The following RP1 variants were observed in gnomAD, a reference collection of about 807,000 sequenced individuals.
The protein encoded by RP1 is oxygen-regulated protein 1.
In RP1, 16 loss-of-function variants were observed where a neutral mutation model predicts 14.8. The observed-to-expected ratio is 1.08, with a 90% CI of 0.73 to 1.65. The LOEUF (loss-of-function observed/expected upper bound fraction) is 1.65. Among genes scored for constraint, RP1 ranks in the 40% most tolerant of loss-of-function variants. The pLI, the probability that RP1 is intolerant of heterozygous loss-of-function variation, is 0.00. For synonymous variants in RP1, 876 were observed against 883.6 expected, an observed-to-expected ratio of 0.99 and a Z score of 0.15; for missense variants, 2,631 against 2,535.0, an observed-to-expected ratio of 1.04 and a Z score of -0.81.
intron 19 of RP1, among the ~76,000 whole-genome samples, chr8:54,747,704 C>T (rs1463618935): frequency 6.6e-6 from 1 of 152,328 alleles, no homozygotes; most frequent in Middle Eastern, 3.4e-3. Flanking sequence ...AGTTCAACAC[C>T]AGCCTGGGCA....
At chr8:54,678,644 G>T in intron 9 of RP1, 3 of 835,730 alleles carry the variant, frequency 3.6e-6, no homozygotes, top group East Asian at 5.6e-5. Context: ...CTGAGTCTTT[G>T]TTGGGTAACT....
At chr8:54,579,042 T>C (rs1257865843) in intron 1 of RP1, among the ~76,000 whole-genome samples, 1 of 152,210 alleles carries the variant, frequency 6.6e-6, no homozygotes, top group African/African-American at 2.4e-5. Flanking sequence ...GTTCCAATGC[T>C]TCACTTGTAA....
At chr8:54,658,490 G>T (rs1177823882) in intron 6 of RP1, among the ~76,000 whole-genome samples, 1 of 139,472 alleles carries the variant, frequency 7.2e-6, no homozygotes, top group Non-Finnish European at 1.5e-5. Flanking sequence ...GGCGGAGCTT[G>T]CAGTGAGCCG....
chr8:54,624,604 T>C, intron 3 of RP1, 66 bp from the exon 4 acceptor site: 1 of 1,527,950 alleles, frequency 6.5e-7, no homozygotes, highest in Non-Finnish European at 9.0e-7. Context: ...TTTGGATATT[T>C]CTAACTTCTC....
chr8:54,720,567 C>T (rs1008193098), intron 16 of RP1, among the ~76,000 whole-genome samples: 1 of 152,130 alleles, frequency 6.6e-6, no homozygotes, highest in African/African-American at 2.4e-5. Context: ...ATTCGTGTGT[C>T]TGTGTACATG....
chr8:54,785,674 TCCA>T (rs1810300041), intron 24 of RP1, among the ~76,000 whole-genome samples: 1 of 152,114 alleles, frequency 6.6e-6, no homozygotes, highest in African/African-American at 2.4e-5. Flanking sequence ...TTCATCTTTC[TCCA>T]CATCTTTATT....
chr8:54,791,203 A>C (rs1167291062), intron 24 of RP1, among the ~76,000 whole-genome samples: 1 of 151,928 alleles, frequency 6.6e-6, no homozygotes, highest in Non-Finnish European at 1.5e-5. Context: ...TCATATATTC[A>C]AAATACTAAA....
intron 1 of RP1, among the ~76,000 whole-genome samples, chr8:54,566,781 A>G (rs1238597453): frequency 6.6e-6 from 1 of 152,212 alleles, no homozygotes; most frequent in African/African-American, 2.4e-5. Flanking sequence ...AAGTGAAAGA[A>G]AGGTAAAAGA....
At chr8:54,687,902 G>A (rs1321091141) in intron 12 of RP1, among the ~76,000 whole-genome samples, 1 of 152,130 alleles carries the variant, frequency 6.6e-6, no homozygotes. Flanking sequence ...CTTCCACAAT[G>A]GTTGAACTAA....
intron 25 of RP1, among the ~76,000 whole-genome samples, chr8:54,844,184 C>T (rs1811859451): frequency 6.6e-6 from 1 of 152,176 alleles, no homozygotes; most frequent in Non-Finnish European, 1.5e-5. Context: ...GATTTACCAG[C>T]TGGACAGAGT....
At chr8:54,859,951 G>T (rs1309622158) in intron 27 of RP1, among the ~76,000 whole-genome samples, 1 of 152,140 alleles carries the variant, frequency 6.6e-6, no homozygotes, top group African/African-American at 2.4e-5. Flanking sequence ...TGTGACATGG[G>T]ATGGAAACAA....
intron 23 of RP1, among the ~76,000 whole-genome samples, chr8:54,780,544 C>G (rs989321618): frequency 3.3e-5 from 5 of 152,122 alleles, no homozygotes; most frequent in African/African-American, 7.2e-5. Flanking sequence ...TGGATTCAAC[C>G]AACAGCAGAT....
At chr8:54,653,783 G>A (rs1806702730) in intron 5 of RP1, among the ~76,000 whole-genome samples, 2 of 152,086 alleles carry the variant, frequency 1.3e-5, no homozygotes, top group Admixed American at 1.3e-4. Context: ...ATACTTTTAT[G>A]CTATATAGAG....
chr8:54,850,313 A>G (rs1000255977), intron 25 of RP1, among the ~76,000 whole-genome samples: 3 of 152,202 alleles, frequency 2.0e-5, no homozygotes, highest in Admixed American at 6.5e-5. Flanking sequence ...AAACATTGAC[A>G]TCTTGAAATC....
Position 54,621,266 on chromosome 8 carries a change from CGGCGA to C in RP1, c.302_306del (p.Gly101ValfsTer32). 1 of 1,614,062 alleles carries C rather than the reference CGGCGA, an allele frequency of 6.2e-7. No individual in the cohort carries two copies. Among genetic ancestry groups the C allele is most frequent in the East Asian group, 2.2e-5 (1 of 44,856 alleles). On this transcript the variant is annotated frameshift_variant, in exon 2 of 4. Transcript: ENST00000220676. LOFTEE classifies it high-confidence loss of function. ...TCACGCGCCTGGAGGAGCTGGAGGA[CGGCGA>C]GTCCTACCTATGTTCCCACGGCAGG...
chr8:54,676,240 C>G (rs1351461240), intron 8 of RP1, among the ~76,000 whole-genome samples: 3 of 152,186 alleles, frequency 2.0e-5, no homozygotes, highest in Admixed American at 1.3e-4. Context: ...GGACAGACAA[C>G]AAGTTATGGG....
At chr8:54,699,264 A>G (rs1807955596) in intron 12 of RP1, among the ~76,000 whole-genome samples, 1 of 152,026 alleles carries the variant, frequency 6.6e-6, no homozygotes, top group African/African-American at 2.4e-5. Flanking sequence ...CATTTTATTC[A>G]CATACATATA....
Position 54,630,328 on chromosome 8 carries a change from G to A in RP1, c.6446G>A (p.Ser2149Asn), listed in dbSNP as rs749709374. Residue 2149 changes from serine (S) to asparagine (N), a missense_variant, in exon 4 of 4, where the codon AGC becomes AAC. Coordinates refer to ENST00000220676, the MANE Select transcript of RP1 (RefSeq NM_006269.2). Reference sequence around the variant, plus strand: ...ATATTAAATTTAACTGATCTTGAAAGCAGTAGAGAACAAGAAGATTTATAA... The same window carrying A: ...ATATTAAATTTAACTGATCTTGAAAACAGTAGAGAACAAGAAGATTTATAA... Reference protein sequence around the residue: ...EDILNLTDLESSREQEDL With the variant: ...EDILNLTDLENSREQEDL 8.1e-6 allele frequency: 13 copies of A among 1,613,662 alleles called. No homozygotes were observed. Among genetic ancestry groups the A allele is most frequent in the Non-Finnish European group, 1.1e-5 (13 of 1,179,758 alleles).
chr8:54,845,949 G>A (rs1417486244), intron 25 of RP1, among the ~76,000 whole-genome samples: 1 of 152,208 alleles, frequency 6.6e-6, no homozygotes, highest in Non-Finnish European at 1.5e-5. Flanking sequence ...ATAGAAGTCT[G>A]ATAGGGGAAG....
Sources: gnomAD v4.1 joint callset for allele counts (sites outside exome capture counted in the v4.1 genomes callset) on GRCh38, gnomAD v4.1.1 for gene constraint, MANE v1.5 for transcripts, NCBI Gene and HGNC (gene_info 2026-07-23, HGNC 2026-07-21) for gene names.